Variants in STK31 observed in about 807,000 individuals in gnomAD.
STK31 encodes the protein serine/threonine-protein kinase 31.
Under a neutral mutation model 129.7 loss-of-function variants are expected in STK31, and 89 were observed. That is an observed-to-expected ratio of 0.69 (90% CI 0.58 to 0.82). The LOEUF (loss-of-function observed/expected upper bound fraction) is 0.82. STK31 is among the 40% of genes least tolerant of loss of function. The pLI is 0.00. For synonymous variants in STK31, 448 were observed against 395.3 expected, an observed-to-expected ratio of 1.13 and a Z score of -1.58; for missense variants, 1,187 against 1,176.4, an observed-to-expected ratio of 1.01 and a Z score of -0.13.
chr7:23,726,805 G>A (rs1315156204), intron 4 of STK31, among the ~76,000 whole-genome samples: 1 of 151,988 alleles, frequency 6.6e-6, no homozygotes, highest in Admixed American at 6.6e-5. Context: ...TTTCTTGCTT[G>A]GTAGGAAATA....
Position 23,737,049 on chromosome 7 carries a change from A to G in STK31, c.988A>G (p.Lys330Glu). The change falls in exon 8 of 24, where the codon AAA (lysine) becomes GAA (glutamate). Residue 330 changes from lysine (K) to glutamate (E), a missense_variant. This residue lies in a region of STK31 where 975 missense variants were observed against 934.9 expected (regional missense o/e 1.04). Transcript: ENST00000355870. Reference sequence around the variant, plus strand: ...TGAAAGTTATAAGGCGTTAGAATTGAAAGTAGAGCAGATTGCCCAGGAGCT... The same window carrying G: ...TGAAAGTTATAAGGCGTTAGAATTGGAAGTAGAGCAGATTGCCCAGGAGCT... Reference protein sequence around the residue: ...LLESYKALELKVEQIAQELQQ... With the variant: ...LLESYKALELEVEQIAQELQQ... The G allele has an allele frequency of 6.2e-7, 1 of 1,609,688 alleles. No individual in the cohort carries two copies. The highest frequency in any genetic ancestry group is 1.3e-5 in the African/African-American group (1 of 74,944).
chr7:23,730,870 A>AT lies in STK31; in HGVS notation c.483+1622dup, dbSNP rs1263694532. Among the ~76,000 whole-genome samples the AT allele has an allele frequency of 2.5e-3, 111 of 45,238 alleles. 1 individual carries two copies. Among genetic ancestry groups the AT allele is most frequent in the Admixed American group, 3.8e-3 (10 of 2,660 alleles). 29.7% of individuals were successfully genotyped at this position (45,238 alleles called of 152,430 possible). ...TATATAAACATTTATATATATATATATATATATATTTTTTTTTTTTTTTTT... is the reference window on the plus strand; with the variant it reads ...TATATAAACATTTATATATATATATATTATATATATTTTTTTTTTTTTTTTT... On this transcript the variant is annotated intron_variant, in intron 6 of 23. Coordinates refer to ENST00000355870, the MANE Select transcript of STK31 (RefSeq NM_031414.5).
chr7:23,738,745 G>A (rs912705106), intron 8 of STK31, among the ~76,000 whole-genome samples: 4 of 151,982 alleles, frequency 2.6e-5, no homozygotes. Context: ...TAGTAGAGAC[G>A]GGGTTTCACC....
chr7:23,749,079 C>T (rs1788526103), intron 8 of STK31, among the ~76,000 whole-genome samples: 1 of 152,132 alleles, frequency 6.6e-6, no homozygotes, highest in East Asian at 1.9e-4. Flanking sequence ...TTTTGATTTC[C>T]GTTACAGTGT....
Position 23,717,097 on chromosome 7 carries a change from C to CTTTTTTTTTTT in STK31, c.151-366_151-356dup, listed in dbSNP as rs70956911. Among the ~76,000 whole-genome samples, 344 of 42,928 alleles carry CTTTTTTTTTTT rather than the reference C, an allele frequency of 8.0e-3. 24 individuals carry two copies. Among genetic ancestry groups the CTTTTTTTTTTT allele is most frequent in the African/African-American group, 0.018 (174 of 9,698 alleles). 28.2% of individuals were successfully genotyped at this position (42,928 alleles called of 152,430 possible). The stretch of plus-strand genomic sequence containing the variant: ...TACAGGTGTGAGCCATCGCAACCTG[C>CTTTTTTTTTTT]TTTTTTTTTTTTTTTTTTTTTTTTT... On this transcript the variant is annotated intron_variant, in intron 3 of 23. Coordinates refer to ENST00000355870, the MANE Select transcript of STK31 (RefSeq NM_031414.5).
At chr7:23,734,552 T>TA (rs1363317976) in intron 6 of STK31, among the ~76,000 whole-genome samples, 1 of 152,232 alleles carries the variant, frequency 6.6e-6, no homozygotes, top group Admixed American at 6.5e-5. Context: ...GTTTTAGGTG[T>TA]ATCTTTGCTT....
chr7:23,744,739 A>G (rs550215006), intron 8 of STK31, among the ~76,000 whole-genome samples: 4 of 152,122 alleles, frequency 2.6e-5, no homozygotes, highest in Admixed American at 6.5e-5. Flanking sequence ...GATTTCCTCA[A>G]TGGCTTAGGG....
chr7:23,786,560 C>T lies in STK31; in HGVS notation c.2327C>T (p.Thr776Ile). 3.7e-6 allele frequency: 6 copies of T among 1,613,778 alleles called. No homozygotes were observed. Among genetic ancestry groups the T allele is most frequent in the Non-Finnish European group, 5.1e-6 (6 of 1,179,862 alleles). The change falls in exon 19 of 24, where the codon ACC (threonine) becomes ATC (isoleucine). Residue 776 changes from threonine (T) to isoleucine (I), a missense_variant. Thr to Ile is a moderately conservative substitution (Grantham distance 89). Around this residue, in one of 5 missense-constraint regions of STK31, gnomAD observed 975 missense variants for 934.9 expected, o/e 1.04. Coordinates refer to ENST00000355870, the MANE Select transcript of STK31 (RefSeq NM_031414.5). The stretch of plus-strand genomic sequence containing the variant: ...GCCAAGGTGATTGAGAGAGCAGCCA[C>T]CTACCATAGAGCTTGGAGAGAAGCT... ...TEAKVIERAA[T>I]YHRAWREAEG...
intron 4 of STK31, chr7:23,725,752 G>T (rs538411537): frequency 6.6e-6 from 1 of 152,114 alleles, no homozygotes; most frequent in Admixed American, 6.6e-5. Context: ...CATGTACTTC[G>T]CATGTTTATG....
At chr7:23,749,330 T>G (rs1788541864) in intron 8 of STK31, among the ~76,000 whole-genome samples, 1 of 148,766 alleles carries the variant, frequency 6.7e-6, no homozygotes, top group Non-Finnish European at 1.5e-5. Flanking sequence ...TTTTTTCTTT[T>G]CTTTTCTTTT....
chr7:23,824,374 T>C (rs997840227), intron 23 of STK31, among the ~76,000 whole-genome samples: 1 of 152,178 alleles, frequency 6.6e-6, no homozygotes, highest in Non-Finnish European at 1.5e-5. Flanking sequence ...TGAATGGGAG[T>C]TCACTGATGA....
chr7:23,760,016 A>G (rs1324492061), intron 10 of STK31, among the ~76,000 whole-genome samples: 6 of 152,248 alleles, frequency 3.9e-5, no homozygotes, highest in East Asian at 1.9e-4. Flanking sequence ...TGAGTCACCT[A>G]TTGTTGGGAG....
intron 23 of STK31, among the ~76,000 whole-genome samples, chr7:23,830,591 G>GTT (rs1396766217): frequency 5.3e-5 from 4 of 75,010 alleles, no homozygotes; most frequent in African/African-American, 8.0e-5. Flanking sequence ...TAATTTCCAT[G>GTT]TTGTGTGTGT....
At chr7:23,740,661 A>G (rs570719486) in intron 8 of STK31, among the ~76,000 whole-genome samples, 2 of 151,884 alleles carry the variant, frequency 1.3e-5, no homozygotes, top group South Asian at 4.2e-4. Context: ...CCACCCCACA[A>G]CAGTCCCTGA....
chr7:23,729,631 C>T (rs1787284366), intron 6 of STK31, among the ~76,000 whole-genome samples: 1 of 151,878 alleles, frequency 6.6e-6, no homozygotes, highest in African/African-American at 2.4e-5. Flanking sequence ...CTGCCTCAGC[C>T]TCCCGAATAG....
chr7:23,724,402 T>C (rs1786924618), intron 4 of STK31, among the ~76,000 whole-genome samples: 4 of 152,172 alleles, frequency 2.6e-5, no homozygotes, highest in Admixed American at 2.6e-4. Flanking sequence ...GAGAGAGTCT[T>C]ACTTGAGAAG....
intron 23 of STK31, among the ~76,000 whole-genome samples, chr7:23,829,521 C>T (rs564894828): frequency 3.3e-4 from 50 of 152,120 alleles, no homozygotes; most frequent in Middle Eastern, 3.4e-3. Flanking sequence ...CTGTTGGATT[C>T]GGATTGGTAG....
chr7:23,813,518 G>A (rs1418852053), intron 22 of STK31, among the ~76,000 whole-genome samples: 2 of 152,112 alleles, frequency 1.3e-5, no homozygotes, highest in African/African-American at 2.4e-5. Context: ...ATTTTAGCAG[G>A]CAGTCACCTT....
intron 16 of STK31, among the ~76,000 whole-genome samples, chr7:23,782,308 C>CA (rs1790977802): frequency 6.7e-6 from 1 of 149,594 alleles, no homozygotes; most frequent in Non-Finnish European, 1.5e-5. Context: ...CCCATCTCTA[C>CA]AAAAAATACA....
Sources: gnomAD v4.1 joint callset for allele counts (sites outside exome capture counted in the v4.1 genomes callset) on GRCh38, gnomAD v4.1.1 for gene constraint, gnomAD v4.1.1 regional missense constraint, MANE v1.5 for transcripts, NCBI Gene and HGNC (gene_info 2026-07-23, HGNC 2026-07-21) for gene names.